TNC: variants seen among roughly 807,000 people sequenced by gnomAD.
The protein encoded by TNC is tenascin C.
Under a neutral mutation model 202.4 loss-of-function variants are expected in TNC, and 109 were observed. The ratio of observed to expected loss-of-function variants is 0.54; its 90% CI spans 0.46 to 0.63. The LOEUF (loss-of-function observed/expected upper bound fraction) is 0.63. Ranked by LOEUF, TNC falls within the 30% of genes least tolerant of loss-of-function variation. TNC has a pLI of 0.00. For synonymous variants in TNC, 1,007 were observed against 1,089.7 expected, an observed-to-expected ratio of 0.92 and a Z score of 1.50; for missense variants, 2,756 against 2,833.3, an observed-to-expected ratio of 0.97 and a Z score of 0.62.
Position 115,059,634 on chromosome 9 carries a change from G to A in TNC, c.4306+96C>T, listed in dbSNP as rs1832389807. 11 of 1,316,076 alleles carry A rather than the reference G, an allele frequency of 8.4e-6. No individual in the cohort carries two copies. The South Asian group carries it at 1.7e-4, about 20-fold the overall frequency. 81.5% of individuals were successfully genotyped at this position (1,316,076 alleles called of 1,614,324 possible). A position where few individuals can be genotyped will look rare whatever the true frequency, so the allele number is the denominator to read the frequency against. On this transcript the variant is annotated intron_variant, in intron 14 of 27. Transcript: ENST00000350763. ...CCGGCCACTGAAAGGCACATGAAAA[G>A]GATTCAGTTATGGCGAGATGCTGAC...
chr9:115,054,541 A>T (rs1011450812), intron 15 of TNC, among the ~76,000 whole-genome samples: 2 of 152,190 alleles, frequency 1.3e-5, no homozygotes, highest in Non-Finnish European at 1.5e-5. Context: ...ATGCCAACAG[A>T]TTCACCATGC....
At chr9:115,094,231 G>C (rs1191085799) in intron 1 of TNC, among the ~76,000 whole-genome samples, 2 of 152,146 alleles carry the variant, frequency 1.3e-5, no homozygotes, top group Non-Finnish European at 2.9e-5. Flanking sequence ...AACCTAACAA[G>C]AGTCCATGTC....
At chr9:115,048,219 G>A in intron 16 of TNC, 41 bp downstream of exon 16, 1 of 1,603,148 alleles carries the variant, frequency 6.2e-7, no homozygotes, top group African/African-American at 1.3e-5. Flanking sequence ...CACAGAAGGG[G>A]ACCAGGAAGA....
intron 1 of TNC, among the ~76,000 whole-genome samples, chr9:115,114,666 C>A (rs533457494): frequency 6.6e-6 from 1 of 152,154 alleles, no homozygotes; most frequent in South Asian, 2.1e-4. Context: ...TGAAAGACAC[C>A]ATTTAAGGTT....
intron 10 of TNC, among the ~76,000 whole-genome samples, chr9:115,072,999 A>G (rs1339943864): frequency 2.0e-5 from 3 of 152,180 alleles, no homozygotes; most frequent in Admixed American, 2.0e-4. Flanking sequence ...CATGGGCCAC[A>G]ATGTCAGGAT....
chr9:115,019,921 T>C lies in TNC; in HGVS notation c.*1236A>G, dbSNP rs1371904909. On this transcript the variant is annotated 3_prime_UTR_variant, in exon 28 of 28. Transcript: ENST00000350763. ...GGTAACAATACTTACCTCAACTATA[T>C]CATAGAGTTTCTAGGAGTTGCATTA... The C allele has an allele frequency of 6.6e-6, 1 of 152,242 alleles. No individual in the cohort carries two copies. Among genetic ancestry groups the C allele is most frequent in the Non-Finnish European group, 1.5e-5 (1 of 68,044 alleles). 9.4% of individuals were successfully genotyped at this position (152,242 alleles called of 1,614,324 possible).
chr9:115,077,009 T>A (rs1833912831), intron 7 of TNC, among the ~76,000 whole-genome samples: 1 of 152,208 alleles, frequency 6.6e-6, no homozygotes, highest in Non-Finnish European at 1.5e-5. Context: ...GTGATTCTCC[T>A]GCCTCAGCCT....
At chr9:115,030,431 G>A (rs372537685) in intron 23 of TNC, 26 bp from the exon 24 acceptor site, 62 of 1,602,088 alleles carry the variant, frequency 3.9e-5, no homozygotes, top group Non-Finnish European at 5.3e-5. Context: ...AAATGGTGAT[G>A]CTCTCAGTGC....
At chr9:115,026,823 G>A (rs1162224403) in intron 25 of TNC, 128 bp from the exon 26 acceptor site, 4 of 288,662 alleles carry the variant, frequency 1.4e-5, no homozygotes, top group African/African-American at 8.2e-5. Flanking sequence ...GCTCATGCCT[G>A]TAATCTCAGC....
Position 115,090,904 on chromosome 9 carries a change from C to G in TNC, c.115G>C (p.Ala39Pro). Residue 39 changes from alanine (A) to proline (P), a missense_variant, in exon 2 of 28, where the codon GCC becomes CCC. Transcript: ENST00000350763. ...GGCTGGTTCTCTTCTGGCAGGGTGG[C>G]GTTCACCCCACTCTGTCGCTTGTGC... ...IRHKRQSGVN[A>P]TLPEENQPVV... 6.2e-7 allele frequency: 1 copy of G among 1,614,116 alleles called. No homozygotes were observed. Among genetic ancestry groups the G allele is most frequent in the Non-Finnish European group, 8.5e-7 (1 of 1,180,010 alleles).
At chr9:115,021,306 A>AGAGAG in intron 27 of TNC, 39 bp from the exon 28 acceptor site, 3 of 1,467,774 alleles carry the variant, frequency 2.0e-6, no homozygotes, top group Non-Finnish European at 2.8e-6. Context: ...AGAGAGAGAG[A>AGAGAG]AGGCCTCCAG....
At chr9:115,075,561 C>T (rs145246160) in intron 9 of TNC, among the ~76,000 whole-genome samples, 2,009 of 152,142 alleles carry the variant, frequency 0.013, 45 homozygotes, top group African/African-American at 0.045. Context: ...CCGAGGTGGG[C>T]GGATCATGAG....
chr9:115,022,221 G>A (rs1829127199), intron 27 of TNC, among the ~76,000 whole-genome samples: 1 of 152,254 alleles, frequency 6.6e-6, no homozygotes, highest in Non-Finnish European at 1.5e-5. Flanking sequence ...CAGTTTCTGA[G>A]TCTTACAGGG....
chr9:115,025,077 AC>A (rs1829376928), intron 26 of TNC, among the ~76,000 whole-genome samples: 1 of 152,230 alleles, frequency 6.6e-6, no homozygotes, highest in African/African-American at 2.4e-5. Flanking sequence ...GCCAAATCAC[AC>A]AAGAAAATGC....
intron 16 of TNC, 78 bp from the exon 17 acceptor site, chr9:115,046,760 G>A (rs917180053): frequency 1.3e-6 from 2 of 1,539,214 alleles, no homozygotes; most frequent in East Asian, 2.3e-5. Context: ...TCTCCAGTAG[G>A]GGTATCAATA....
At chr9:115,104,546 C>G (rs1458990496) in intron 1 of TNC, among the ~76,000 whole-genome samples, 1 of 152,170 alleles carries the variant, frequency 6.6e-6, no homozygotes, top group Admixed American at 6.5e-5. Context: ...GAGCCTTGGA[C>G]AACGTCCTAT....
At chr9:115,022,790 A>C (rs1449478873) in intron 27 of TNC, among the ~76,000 whole-genome samples, 2 of 152,166 alleles carry the variant, frequency 1.3e-5, no homozygotes, top group Non-Finnish European at 2.9e-5. Context: ...ACAGGGTAAA[A>C]ATGATAAACC....
chr9:115,029,094 T>C (rs1801901226), intron 25 of TNC, among the ~76,000 whole-genome samples: 1 of 151,856 alleles, frequency 6.6e-6, no homozygotes, highest in Non-Finnish European at 1.5e-5. Context: ...TTTGTGTTCT[T>C]TTTTTCTGGG....
rs1832815501 is a variant in TNC, at chr9:115,064,773, T to C, written c.3361A>G (p.Thr1121Ala). 2 of 1,614,134 alleles carry C rather than the reference T, an allele frequency of 1.2e-6. No homozygotes were observed. The highest frequency in any genetic ancestry group is 1.7e-6 in the Non-Finnish European group (2 of 1,180,018). Residue 1121 changes from threonine (T) to alanine (A), a missense_variant, in exon 11 of 28, where the codon ACC (threonine) becomes GCC (alanine). Physicochemically the swap from Thr to Ala is moderately conservative, Grantham distance 58. Transcript: ENST00000350763. ...ACAGCCCGAAGGCTGCCAGGCACGG[T>C]GAGGTTCCGAGCTGCCTCCACCTTG... ...ANKVEAARNL[T>A]VPGSLRAVDI...
Sources: allele counts gnomAD v4.1 joint callset (sites outside exome capture counted in the v4.1 genomes callset), GRCh38; gene constraint gnomAD v4.1.1; transcripts MANE v1.5; gene names NCBI Gene and HGNC (gene_info 2026-07-23, HGNC 2026-07-21).